Variants in ZFPM2 observed in about 807,000 individuals in gnomAD.
The protein encoded by ZFPM2 is zinc finger protein ZFPM2.
ZFPM2 carries 20 observed loss-of-function variants against 98.6 expected under a neutral mutation model. That is an observed-to-expected ratio of 0.20 (90% CI 0.14 to 0.29). The LOEUF is 0.29. Ranked by LOEUF, ZFPM2 falls within the 10% of genes least tolerant of loss-of-function variation. The pLI is 1.00. For missense variants in ZFPM2, 1,310 were observed against 1,388.6 expected (o/e 0.94, Z 0.90); for synonymous variants, 518 against 502.7 (o/e 1.03, Z -0.41).
intron 1 of ZFPM2, among the ~76,000 whole-genome samples, chr8:105,331,528 C>T (rs1812233871): frequency 6.6e-6 from 1 of 151,680 alleles, no homozygotes; most frequent in Non-Finnish European, 1.5e-5. Context: ...GAGAAATAAT[C>T]TCTTATGTAT....
intron 5 of ZFPM2, among the ~76,000 whole-genome samples, chr8:105,650,129 A>G (rs1817139924): frequency 6.6e-6 from 1 of 152,074 alleles, no homozygotes; most frequent in African/African-American, 2.4e-5. Context: ...CGAGGAATTT[A>G]TCCATTTCTT....
At chr8:105,549,518 T>TCTTCCTTCCTTCCTTCCTTTCTTCCTTC (rs1814793889) in intron 3 of ZFPM2, among the ~76,000 whole-genome samples, 1 of 48,472 alleles carries the variant, frequency 2.1e-5, no homozygotes, top group Non-Finnish European at 3.6e-5. Context: ...CTCCCTCCCA[T>TCTTCCTTCCTTCCTTCCTTTCTTCCTTC]CTTCCTTCCT....
At chr8:105,394,848 C>T (rs1226335452) in intron 1 of ZFPM2, among the ~76,000 whole-genome samples, 1 of 152,146 alleles carries the variant, frequency 6.6e-6, no homozygotes, top group East Asian at 1.9e-4. Context: ...ATTTTAAAAT[C>T]AGTTTATCCT....
intron 4 of ZFPM2, among the ~76,000 whole-genome samples, chr8:105,575,124 C>T (rs1285523761): frequency 6.6e-6 from 1 of 152,140 alleles, no homozygotes; most frequent in Non-Finnish European, 1.5e-5. Flanking sequence ...TGTCCCCCCG[C>T]CTCTGCTGAT....
chr8:105,330,553 C>CATATATAT (rs61051244), intron 1 of ZFPM2, among the ~76,000 whole-genome samples: 1 of 92,410 alleles, frequency 1.1e-5, no homozygotes, highest in Non-Finnish European at 2.2e-5. Context: ...TATATATATA[C>CATATATAT]ATATATATAT....
chr8:105,533,989 C>A (rs1455297779), intron 3 of ZFPM2, among the ~76,000 whole-genome samples: 1 of 38,468 alleles, frequency 2.6e-5, no homozygotes, highest in Non-Finnish European at 4.7e-5. Flanking sequence ...CCCTCCTTCC[C>A]TCCCTCTCTC....
chr8:105,801,748 A>T lies in ZFPM2; in HGVS notation c.1666A>T (p.Thr556Ser), dbSNP rs374672861. Residue 556 changes from threonine (T) to serine (S), a missense_variant, in exon 8 of 8, where the codon ACA (threonine) becomes TCA (serine). Transcript: ENST00000407775. ...GGCTACTTGTTTTGAGTGTAACATA[A>T]CATTCAATAATTTGGATAATTATCT... Reference protein sequence around the residue: ...KGATCFECNITFNNLDNYLVH... With the variant: ...KGATCFECNISFNNLDNYLVH... 8 of 1,613,804 alleles carry T rather than the reference A, an allele frequency of 5.0e-6. No individual in the cohort carries two copies. The highest frequency in any genetic ancestry group is 6.8e-6 in the Non-Finnish European group (8 of 1,179,876).
At position 105,736,296 on chromosome 8, in the gene ZFPM2, C is replaced by A. The variant is rs1812072002; in HGVS notation, c.533-52422C>A. On this transcript the variant is annotated intron_variant, in intron 5 of 7. Transcript: ENST00000407775. ...GATACTTCTGCAAATTTCTAGTATA[C>A]CCTTGCTGTTTAGACATTTAGAAAT... Among the ~76,000 whole-genome samples, 3 of 151,942 alleles carry A rather than the reference C, an allele frequency of 2.0e-5. No homozygotes were observed. The South Asian group carries it at 6.2e-4, about 32-fold the overall frequency.
intron 5 of ZFPM2, among the ~76,000 whole-genome samples, chr8:105,739,300 A>C (rs1399190064): frequency 1.3e-5 from 2 of 152,088 alleles, no homozygotes; most frequent in African/African-American, 4.8e-5. Context: ...ACGGATACAG[A>C]TCAAACAGCT....
At chr8:105,363,768 G>A (rs1810452381) in intron 1 of ZFPM2, among the ~76,000 whole-genome samples, 1 of 152,076 alleles carries the variant, frequency 6.6e-6, no homozygotes, top group Admixed American at 6.6e-5. Context: ...GGAGCAGGCA[G>A]ATAGCTTTAG....
At chr8:105,347,642 C>A (rs1203414854) in intron 1 of ZFPM2, among the ~76,000 whole-genome samples, 1 of 151,984 alleles carries the variant, frequency 6.6e-6, no homozygotes. Context: ...TGTGACATAC[C>A]TTTACTTCAT....
At chr8:105,470,651 G>A (rs1437635422) in intron 3 of ZFPM2, among the ~76,000 whole-genome samples, 1 of 152,130 alleles carries the variant, frequency 6.6e-6, no homozygotes, top group Non-Finnish European at 1.5e-5. Flanking sequence ...GGTGGCACAT[G>A]CCTGTAGTCC....
chr8:105,772,429 A>ATAAT (rs892113362), intron 5 of ZFPM2, among the ~76,000 whole-genome samples: 3 of 152,200 alleles, frequency 2.0e-5, no homozygotes, highest in African/African-American at 7.2e-5. Flanking sequence ...TGACTGAAGA[A>ATAAT]TAATAAAGTT....
chr8:105,564,859 G>A (rs1815211747), intron 4 of ZFPM2, among the ~76,000 whole-genome samples: 1 of 152,060 alleles, frequency 6.6e-6, no homozygotes, highest in African/African-American at 2.4e-5. Context: ...GCAGTTAAAA[G>A]TTAATTCAAA....
Position 105,323,028 on chromosome 8 carries a change from T to G in ZFPM2, c.40+4047T>G, listed in dbSNP as rs532621339. 2.6e-5 allele frequency among the ~76,000 whole-genome samples: 4 copies of G among 151,756 alleles called. No individual in the cohort carries two copies. The East Asian group carries it at 7.7e-4, about 29-fold the overall frequency. On this transcript the variant is annotated intron_variant, in intron 1 of 7. Coordinates refer to ENST00000407775, the MANE Select transcript of ZFPM2 (RefSeq NM_012082.4). ...GAATATTATATATTAAATTTATTAT[T>G]TAATATTTGTCACATGAAAACCTCT...
chr8:105,662,427 G>T (rs779158563), intron 5 of ZFPM2: 4 of 151,768 alleles, frequency 2.6e-5, no homozygotes, highest in Non-Finnish European at 5.9e-5. Flanking sequence ...TATCAACTTG[G>T]GTAAAAATAG....
chr8:105,739,355 T>G (rs2131030097), intron 5 of ZFPM2, among the ~76,000 whole-genome samples: 1 of 152,192 alleles, frequency 6.6e-6, no homozygotes, highest in South Asian at 2.1e-4. Context: ...TTGTAATCTG[T>G]TTCCCCGAAT....
intron 1 of ZFPM2, among the ~76,000 whole-genome samples, chr8:105,346,956 T>G (rs906982995): frequency 6.6e-6 from 1 of 152,302 alleles, no homozygotes; most frequent in Non-Finnish European, 1.5e-5. Flanking sequence ...ATGGCTGTCT[T>G]ACAGTCTAAG....
intron 5 of ZFPM2, among the ~76,000 whole-genome samples, chr8:105,652,017 AGT>A (rs1817188417): frequency 6.6e-6 from 1 of 152,120 alleles, no homozygotes; most frequent in Non-Finnish European, 1.5e-5. Flanking sequence ...TCAGCATGGC[AGT>A]GTATACAAGA....
Sources: gnomAD v4.1 joint callset for allele counts (sites outside exome capture counted in the v4.1 genomes callset) on GRCh38, gnomAD v4.1.1 for gene constraint, MANE v1.5 for transcripts, NCBI Gene and HGNC (gene_info 2026-07-23, HGNC 2026-07-21) for gene names.